COL4A2: variants seen among roughly 807,000 people sequenced by gnomAD.
The protein encoded by COL4A2 is collagen type IV alpha 2 chain.
A neutral mutation model predicts 200.2 loss-of-function variants in COL4A2; 99 were observed. The observed-to-expected ratio is 0.49, with a 90% CI of 0.42 to 0.58. The LOEUF (loss-of-function observed/expected upper bound fraction) is 0.58. Ranked by LOEUF, COL4A2 falls within the 20% of genes least tolerant of loss-of-function variation. The probability of loss-of-function intolerance (pLI) is 0.00; values close to 1 mark genes in which losing one functional copy is unlikely to be tolerated. For synonymous variants in COL4A2, 897 were observed against 900.6 expected (o/e 1.00, Z 0.07); for missense variants, 1,950 against 2,314.1 (o/e 0.84, Z 3.23).
chr13:110,326,707 G>A (rs1885423985), intron 3 of COL4A2, among the ~76,000 whole-genome samples: 1 of 152,128 alleles, frequency 6.6e-6, no homozygotes, highest in Non-Finnish European at 1.5e-5. Flanking sequence ...CCTCATCAGT[G>A]ACTCCTGGTC....
intron 4 of COL4A2, among the ~76,000 whole-genome samples, chr13:110,420,138 C>T (rs148901004): frequency 2.0e-4 from 31 of 152,248 alleles, no homozygotes; most frequent in African/African-American, 7.2e-4. Flanking sequence ...CGACACAGAC[C>T]TCCCTTGGAG....
intron 4 of COL4A2, among the ~76,000 whole-genome samples, chr13:110,422,116 T>C (rs528186265): frequency 1.3e-5 from 2 of 152,290 alleles, no homozygotes; most frequent in East Asian, 3.9e-4. Context: ...ATAAGAAACA[T>C]TTTATCCCCC....
intron 21 of COL4A2, chr13:110,458,420 C>T (rs1352405288): frequency 3.8e-5 from 12 of 319,244 alleles, no homozygotes; most frequent in Admixed American, 2.4e-4. Context: ...CCCCTTGGCC[C>T]GCAGGCCCAG....
intron 3 of COL4A2, among the ~76,000 whole-genome samples, chr13:110,339,964 G>A (rs746415409): frequency 6.6e-6 from 1 of 152,224 alleles, no homozygotes; most frequent in Non-Finnish European, 1.5e-5. Flanking sequence ...TGATTGGAAG[G>A]AAGAAGGTTC....
intron 40 of COL4A2, 142 bp from the exon 41 acceptor site, chr13:110,501,526 T>C: frequency 1.3e-6 from 1 of 748,324 alleles, no homozygotes; most frequent in East Asian, 2.8e-5. Context: ...CCATGAGATG[T>C]TCCTTGGCCT....
intron 4 of COL4A2, among the ~76,000 whole-genome samples, chr13:110,363,658 A>G (rs927586326): frequency 2.0e-5 from 3 of 152,204 alleles, no homozygotes; most frequent in African/African-American, 7.2e-5. Context: ...GATATGAAGC[A>G]AAGCCATTGG....
intron 4 of COL4A2, among the ~76,000 whole-genome samples, chr13:110,417,609 C>CT (rs2139446726): frequency 6.6e-6 from 1 of 152,284 alleles, no homozygotes; most frequent in South Asian, 2.1e-4. Flanking sequence ...CTTGTGCCCT[C>CT]TCAGTTAGTC....
At chr13:110,436,102 C>A in intron 12 of COL4A2, 167 bp from the exon 13 acceptor site, 1 of 1,019,570 alleles carries the variant, frequency 9.8e-7, no homozygotes, top group Non-Finnish European at 1.5e-6. Flanking sequence ...AAAAAACTTA[C>A]ATTAGGATTA....
chr13:110,466,104 T>C (rs769186049), intron 26 of COL4A2, 42 bp downstream of exon 26: 1 of 1,588,560 alleles, frequency 6.3e-7, no homozygotes, highest in Admixed American at 1.7e-5. Flanking sequence ...ACTAGAGAAC[T>C]CTCATTTGGT....
At chr13:110,357,775 G>A (rs1445091859) in intron 4 of COL4A2, among the ~76,000 whole-genome samples, 2 of 152,140 alleles carry the variant, frequency 1.3e-5, no homozygotes, top group Non-Finnish European at 2.9e-5. Context: ...AGGCAGTTGC[G>A]ACACAGTACT....
intron 4 of COL4A2, among the ~76,000 whole-genome samples, chr13:110,390,457 T>C (rs978234501): frequency 5.9e-5 from 9 of 152,358 alleles, no homozygotes; most frequent in Admixed American, 5.2e-4. Context: ...TGGGAGTCTG[T>C]GGGTGGGACC....
At chr13:110,503,789 G>C (rs1397748718) in intron 43 of COL4A2, 58 bp from the exon 44 acceptor site, 4 of 1,602,960 alleles carry the variant, frequency 2.5e-6, no homozygotes, top group South Asian at 2.2e-5. Context: ...GTAGCACTCG[G>C]AGCAAGAGAG....
rs1883311074 is a variant in COL4A2 at position 110,492,300 on chromosome 13, TCTG to T, written c.3562+127_3562+129del. On this transcript the variant is annotated intron_variant, in intron 38 of 47. Coordinates refer to ENST00000360467, the MANE Select transcript of COL4A2 (RefSeq NM_001846.4). ...AGGCCCATACGAGAGCAAAGGCAGGTCTGCTGTGGCTTACGGTGGTCTGCACCA... is the reference window on the plus strand; with the variant it reads ...AGGCCCATACGAGAGCAAAGGCAGGTCTGTGGCTTACGGTGGTCTGCACCA... 4.8e-6 allele frequency: 4 copies of T among 826,370 alleles called. No individual in the cohort carries two copies. In the Admixed American group the frequency reaches 1.0e-4, roughly 22 times the overall value. The allele number at this position is 826,370 out of a possible 1,614,324, so 51.2% of individuals were successfully genotyped here. A position where few individuals can be genotyped will look rare whatever the true frequency, so the allele number is the denominator to read the frequency against.
intron 3 of COL4A2, among the ~76,000 whole-genome samples, chr13:110,308,608 G>C (rs941623529): frequency 6.6e-6 from 1 of 152,140 alleles, no homozygotes; most frequent in African/African-American, 2.4e-5. Context: ...GACAACCTTA[G>C]TATTGTTTGA....
In COL4A2 at chr13:110,469,335, ATCAGACCCCCAT is replaced by A; in HGVS notation, c.2203+16_2203+27del. The A allele has an allele frequency of 5.7e-6, 9 of 1,566,072 alleles. No homozygotes were observed. The highest frequency in any genetic ancestry group is 7.8e-6 in the Non-Finnish European group (9 of 1,154,962). The stretch of plus-strand genomic sequence containing the variant: ...TCCCAGGACCCCCAGGTGAGTTGAG[ATCAGACCCCCAT>A]TCAGCCCCTGGGTTCCAGCGGGAAC... On this transcript the variant is annotated intron_variant, in intron 28 of 47. Coordinates refer to ENST00000360467, the MANE Select transcript of COL4A2 (RefSeq NM_001846.4).
chr13:110,415,785 A>G (rs1880019528), intron 4 of COL4A2, among the ~76,000 whole-genome samples: 1 of 152,214 alleles, frequency 6.6e-6, no homozygotes, highest in African/African-American at 2.4e-5. Context: ...AAGGCCACCC[A>G]CACGCCTTTC....
At chr13:110,421,922 A>G (rs573302496) in intron 4 of COL4A2, among the ~76,000 whole-genome samples, 2 of 152,362 alleles carry the variant, frequency 1.3e-5, no homozygotes, top group African/African-American at 4.8e-5. Flanking sequence ...ACGAATGCAG[A>G]TAAGAATGTG....
chr13:110,332,500 G>A (rs112503797), intron 3 of COL4A2, among the ~76,000 whole-genome samples: 3,425 of 152,262 alleles, frequency 0.022, 61 homozygotes, highest in African/African-American at 0.049. Context: ...TAGACAGGAC[G>A]GCTCCCACAC....
intron 34 of COL4A2, 78 bp from the exon 35 acceptor site, chr13:110,489,367 G>A (rs2139533753): frequency 7.2e-7 from 1 of 1,383,138 alleles, no homozygotes; most frequent in East Asian, 2.3e-5. Context: ...ATACTGGATA[G>A]TTAAATAAGT....
Sources: gnomAD v4.1 joint callset for allele counts (sites outside exome capture counted in the v4.1 genomes callset) on GRCh38, gnomAD v4.1.1 for gene constraint, MANE v1.5 for transcripts, NCBI Gene and HGNC (gene_info 2026-07-23, HGNC 2026-07-21) for gene names.